The following ASB18 variants were observed in gnomAD, a reference collection of about 807,000 sequenced individuals.
ASB18 encodes the protein ankyrin repeat and SOCS box protein 18.
A neutral mutation model predicts 33.4 loss-of-function variants in ASB18; 33 were observed. The ratio of observed to expected loss-of-function variants is 0.99; its 90% CI spans 0.75 to 1.32. ASB18 has a LOEUF of 1.32. Among genes scored for constraint, ASB18 ranks in the 40% most tolerant of loss-of-function variants. The pLI, the probability that ASB18 is intolerant of heterozygous loss-of-function variation, is 0.00. For synonymous variants in ASB18, 295 were observed against 307.6 expected, an observed-to-expected ratio of 0.96 and a Z score of 0.43; for missense variants, 694 against 655.5, an observed-to-expected ratio of 1.06 and a Z score of -0.64.
chr2:236,214,935 C>T lies in ASB18; in HGVS notation c.597-69G>A. The T allele has an allele frequency of 6.0e-6, 7 of 1,160,814 alleles. No homozygotes were observed. The South Asian group carries it at 2.6e-4, about 43-fold the overall frequency. The allele number at this position is 1,160,814 out of a possible 1,614,324, so 71.9% of individuals were successfully genotyped here. A position where few individuals can be genotyped will look rare whatever the true frequency, so the allele number is the denominator to read the frequency against. On this transcript the variant is annotated intron_variant, in intron 3 of 5. Transcript: ENST00000409749. The surrounding 1 kb of genome is among the most constrained non-coding windows in gnomAD (Gnocchi z 6.5). Reference sequence around the variant, plus strand: ...CCCGCACCCTTCCACCCCCGGCCTGCTGCTGCAAAATATCAAGTGACCTCT... The same window carrying T: ...CCCGCACCCTTCCACCCCCGGCCTGTTGCTGCAAAATATCAAGTGACCTCT...
chr2:236,213,559 G>A lies in ASB18; in HGVS notation c.1101+803C>T, dbSNP rs1309600648. The A allele has an allele frequency of 6.6e-6, 1 of 152,136 alleles. No homozygotes were observed. Among genetic ancestry groups the A allele is most frequent in the Non-Finnish European group, 1.5e-5 (1 of 68,022 alleles). 9.4% of individuals were successfully genotyped at this position (152,136 alleles called of 1,614,324 possible). ...GACTTCCCTTCAATGAAGTCTTTTC[G>A]GGAGGACAACCTGTTACTCCAGCCA... On this transcript the variant is annotated intron_variant, in intron 4 of 5. Transcript: ENST00000409749. The surrounding 1 kb of genome is among the most constrained non-coding windows in gnomAD (Gnocchi z 4.8).
chr2:236,220,207 C>T lies in ASB18; in HGVS notation c.597-5341G>A, dbSNP rs2060504695. The stretch of plus-strand genomic sequence containing the variant: ...TGGGACTTTGGCCACTCCCTGCACA[C>T]CCTCCCATCCACCCTCCAGCACCTT... On this transcript the variant is annotated intron_variant, in intron 3 of 5. Transcript: ENST00000409749. This position sits in a 1 kb window ranked among gnomAD's most constrained non-coding sequence, Gnocchi z 5.1. Among the ~76,000 whole-genome samples the T allele has an allele frequency of 6.6e-6, 1 of 152,204 alleles. No homozygotes were observed. Among genetic ancestry groups the T allele is most frequent in the African/African-American group, 2.4e-5 (1 of 41,450 alleles).
Position 236,262,406 on chromosome 2 carries a change from G to T in ASB18, c.205+1735C>A, listed in dbSNP as rs939549295. On this transcript the variant is annotated intron_variant, in intron 1 of 5. Coordinates refer to ENST00000409749, the MANE Select transcript of ASB18 (RefSeq NM_212556.4). This position sits in a 1 kb window ranked among gnomAD's most constrained non-coding sequence, Gnocchi z 5.2. ...TAACCCTGTACCTGATAGGGCTGGA[G>T]GAGGGGCAGGAGCTGCTGGGCAGGA... Among the ~76,000 whole-genome samples the T allele has an allele frequency of 6.6e-6, 1 of 152,230 alleles. No homozygotes were observed. The highest frequency in any genetic ancestry group is 1.5e-5 in the Non-Finnish European group (1 of 68,042).
rs1425533336 is a variant in ASB18, at chr2:236,205,552, C to T, written c.1101+8810G>A. On this transcript the variant is annotated intron_variant, in intron 4 of 5. Coordinates refer to ENST00000409749, the MANE Select transcript of ASB18 (RefSeq NM_212556.4). This position sits in a 1 kb window ranked among gnomAD's most constrained non-coding sequence, Gnocchi z 5.4. ...CTCAATATTTAATGCCTGTCTTCCCCATTAGAATGTAAGCTCCACATAGGC... is the reference window on the plus strand; with the variant it reads ...CTCAATATTTAATGCCTGTCTTCCCTATTAGAATGTAAGCTCCACATAGGC... Among the ~76,000 whole-genome samples, 2 of 152,194 alleles carry T rather than the reference C, an allele frequency of 1.3e-5. No homozygotes were observed. The highest frequency in any genetic ancestry group is 1.5e-5 in the Non-Finnish European group (1 of 68,034).
Position 236,237,906 on chromosome 2 carries a change from C to A in ASB18, c.379G>T (p.Ala127Ser). The A allele has an allele frequency of 6.7e-7, 1 of 1,501,370 alleles. No individual in the cohort carries two copies. Among genetic ancestry groups the A allele is most frequent in the Non-Finnish European group, 8.8e-7 (1 of 1,132,004 alleles). The allele number at this position is 1,501,370 out of a possible 1,614,324, so 93.0% of individuals were successfully genotyped here. ...KRELTTPLCI[A>S]AAHGHTACVR... ...CAGGCGGTGTGGCCGTGGGCCGCGG[C>A]GATGCACAGGGGCGTGGTGAGCTCA... The change falls in exon 3 of 6, where the codon GCC (alanine) becomes TCC (serine). Residue 127 changes from alanine to serine, a missense_variant. Physicochemically the swap from Ala to Ser is moderately conservative, Grantham distance 99. Coordinates refer to ENST00000409749, the MANE Select transcript of ASB18 (RefSeq NM_212556.4). The surrounding 1 kb of genome is among the most constrained non-coding windows in gnomAD (Gnocchi z 6.2).
chr2:236,227,056 G>C (rs990236560), intron 3 of ASB18, among the ~76,000 whole-genome samples: 6 of 152,224 alleles, frequency 3.9e-5, no homozygotes, highest in African/African-American at 1.4e-4. Context: ...TCAGTTTTAG[G>C]ATCTAATACA....
At position 236,213,990 on chromosome 2, in the gene ASB18, C is replaced by T. The variant is rs534144091; in HGVS notation, c.1101+372G>A. ...TGAAAATGACACTGATGATGAGCTG[C>T]CAAAATATTTTGAGCTCTGACTGCA... On this transcript the variant is annotated intron_variant, in intron 4 of 5. Coordinates refer to ENST00000409749, the MANE Select transcript of ASB18 (RefSeq NM_212556.4). This position sits in a 1 kb window ranked among gnomAD's most constrained non-coding sequence, Gnocchi z 4.8. 3.4e-4 allele frequency: 71 copies of T among 211,908 alleles called. No individual in the cohort carries two copies. The highest frequency in any genetic ancestry group is 1.6e-3 in the African/African-American group (68 of 43,398). 13.1% of individuals were successfully genotyped at this position (211,908 alleles called of 1,614,324 possible). A position where few individuals can be genotyped will look rare whatever the true frequency, so the allele number is the denominator to read the frequency against.
chr2:236,241,201 C>T lies in ASB18; in HGVS notation c.328+79G>A, dbSNP rs553521323. On this transcript the variant is annotated intron_variant, in intron 2 of 5. Transcript: ENST00000409749. The surrounding 1 kb of genome is among the most constrained non-coding windows in gnomAD (Gnocchi z 4.2). ...ACCCAGTGCCACTGTGCCCAGTCTA[C>T]ACACGGGAGCCTTACACTCCCAGAG... The T allele has an allele frequency of 1.4e-6, 2 of 1,419,738 alleles. No individual in the cohort carries two copies. Among genetic ancestry groups the T allele is most frequent in the South Asian group, 2.5e-5 (2 of 80,860 alleles). 87.9% of individuals were successfully genotyped at this position (1,419,738 alleles called of 1,614,324 possible). A position where few individuals can be genotyped will look rare whatever the true frequency, so the allele number is the denominator to read the frequency against.
Position 236,237,655 on chromosome 2 carries a change from G to A in ASB18, c.596+34C>T, listed in dbSNP as rs2060600891. The A allele has an allele frequency of 7.3e-7, 1 of 1,367,000 alleles. No homozygotes were observed. The highest frequency in any genetic ancestry group is 9.4e-7 in the Non-Finnish European group (1 of 1,067,514). The allele number at this position is 1,367,000 out of a possible 1,614,324, so 84.7% of individuals were successfully genotyped here. ...AGGCGGGCGTCTGGTCTCGGGGCGG[G>A]GCGGACGCCGCGGGCCTGTCCCGAG... is the stretch of plus-strand genomic sequence containing the variant. On this transcript the variant is annotated intron_variant, in intron 3 of 5. Transcript: ENST00000409749. The surrounding 1 kb of genome is among the most constrained non-coding windows in gnomAD (Gnocchi z 6.2).
chr2:236,224,287 T>G (rs2060527035), intron 3 of ASB18, among the ~76,000 whole-genome samples: 1 of 151,488 alleles, frequency 6.6e-6, no homozygotes. Context: ...TGATTAATGA[T>G]GTTGAACACC....
chr2:236,195,676 T>C lies in ASB18; in HGVS notation c.1215+596A>G, dbSNP rs1220025074. Among the ~76,000 whole-genome samples, 1 of 152,056 alleles carries C rather than the reference T, an allele frequency of 6.6e-6. No homozygotes were observed. Among genetic ancestry groups the C allele is most frequent in the Non-Finnish European group, 1.5e-5 (1 of 68,018 alleles). On this transcript the variant is annotated intron_variant, in intron 5 of 5. Coordinates refer to ENST00000409749, the MANE Select transcript of ASB18 (RefSeq NM_212556.4). This position sits in a 1 kb window ranked among gnomAD's most constrained non-coding sequence, Gnocchi z 5.5. ...CATTACAGGCGCTTGCCACCATGCTTGGGTAATTTCTGTATTTTCAGTAAA... is the reference window on the plus strand; with the variant it reads ...CATTACAGGCGCTTGCCACCATGCTCGGGTAATTTCTGTATTTTCAGTAAA...
Position 236,228,694 on chromosome 2 carries a change from A to G in ASB18, c.596+8995T>C, listed in dbSNP as rs1006766450. 6.6e-6 allele frequency among the ~76,000 whole-genome samples: 1 copy of G among 152,246 alleles called. No homozygotes were observed. Among genetic ancestry groups the G allele is most frequent in the Non-Finnish European group, 1.5e-5 (1 of 68,036 alleles). ...TTCAGGAATAGTGGCTGGTTTCAGC[A>G]ACCAAAGTGTGAAACCTTATAAATA... On this transcript the variant is annotated intron_variant, in intron 3 of 5. Coordinates refer to ENST00000409749, the MANE Select transcript of ASB18 (RefSeq NM_212556.4). This position sits in a 1 kb window ranked among gnomAD's most constrained non-coding sequence, Gnocchi z 5.1.
Position 236,255,287 on chromosome 2 carries a change from G to T in ASB18, c.205+8854C>A, listed in dbSNP as rs930456640. Among the ~76,000 whole-genome samples, 1 of 151,958 alleles carries T rather than the reference G, an allele frequency of 6.6e-6. No homozygotes were observed. The highest frequency in any genetic ancestry group is 2.4e-5 in the African/African-American group (1 of 41,364). On this transcript the variant is annotated intron_variant, in intron 1 of 5. Transcript: ENST00000409749. The surrounding 1 kb of genome is among the most constrained non-coding windows in gnomAD (Gnocchi z 4.4). ...GCCTCTTGAGTAGCTGAAATTACAGGCGCCCACCACGACGCCCAGCTAATT... is the reference window on the plus strand; with the variant it reads ...GCCTCTTGAGTAGCTGAAATTACAGTCGCCCACCACGACGCCCAGCTAATT...
In ASB18 at chr2:236,241,599, A is replaced by G. The variant is rs2060621581; in HGVS notation, c.206-197T>C. On this transcript the variant is annotated intron_variant, in intron 1 of 5. Coordinates refer to ENST00000409749, the MANE Select transcript of ASB18 (RefSeq NM_212556.4). The surrounding 1 kb of genome is among the most constrained non-coding windows in gnomAD (Gnocchi z 4.2). ...TGGAGTGTGAGCTATTTCTATTGTC[A>G]TTACTCAATTGTCATCCAGTTGGGG... 1.5e-6 allele frequency: 1 copy of G among 688,810 alleles called. No homozygotes were observed. Among genetic ancestry groups the G allele is most frequent in the East Asian group, 2.7e-5 (1 of 37,002 alleles). The allele number at this position is 688,810 out of a possible 1,614,324, so 42.7% of individuals were successfully genotyped here.
In ASB18 at chr2:236,241,502, G is replaced by T. The variant is rs1391006228; in HGVS notation, c.206-100C>A. The T allele has an allele frequency of 1.4e-6, 2 of 1,415,764 alleles. No individual in the cohort carries two copies. Among genetic ancestry groups the T allele is most frequent in the Non-Finnish European group, 2.0e-6 (2 of 1,018,344 alleles). The allele number at this position is 1,415,764 out of a possible 1,614,324, so 87.7% of individuals were successfully genotyped here. A position where few individuals can be genotyped will look rare whatever the true frequency, so the allele number is the denominator to read the frequency against. Reference sequence around the variant, plus strand: ...AATATTTGAAGTTTTCCTCTCACTGGCCCTGGCTGTCTCTCCATTGAGATG... The same window carrying T: ...AATATTTGAAGTTTTCCTCTCACTGTCCCTGGCTGTCTCTCCATTGAGATG... On this transcript the variant is annotated intron_variant, in intron 1 of 5. Coordinates refer to ENST00000409749, the MANE Select transcript of ASB18 (RefSeq NM_212556.4). This position sits in a 1 kb window ranked among gnomAD's most constrained non-coding sequence, Gnocchi z 4.2.
chr2:236,259,048 G>A lies in ASB18; in HGVS notation c.205+5093C>T, dbSNP rs1278547243. ...AGTTGATGCATTTGGGGGGCGAGATGGGTCTCACTGCCCCTCCCCCAGCCG... is the reference window on the plus strand; with the variant it reads ...AGTTGATGCATTTGGGGGGCGAGATAGGTCTCACTGCCCCTCCCCCAGCCG... On this transcript the variant is annotated intron_variant, in intron 1 of 5. Transcript: ENST00000409749. The surrounding 1 kb of genome is among the most constrained non-coding windows in gnomAD (Gnocchi z 4.4). Among the ~76,000 whole-genome samples, 2 of 152,172 alleles carry A rather than the reference G, an allele frequency of 1.3e-5. No individual in the cohort carries two copies. The highest frequency in any genetic ancestry group is 6.5e-5 in the Admixed American group (1 of 15,274).
rs754844780 is a variant in ASB18, at chr2:236,216,286, A to G, written c.597-1420T>C. 5.3e-5 allele frequency among the ~76,000 whole-genome samples: 8 copies of G among 152,174 alleles called. No homozygotes were observed. Among genetic ancestry groups the G allele is most frequent in the Admixed American group, 3.3e-4 (5 of 15,284 alleles). On this transcript the variant is annotated intron_variant, in intron 3 of 5. Transcript: ENST00000409749. The surrounding 1 kb of genome is among the most constrained non-coding windows in gnomAD (Gnocchi z 6.1). The stretch of plus-strand genomic sequence containing the variant: ...CTCCTAATGTTGACCTTGGTCCTCA[A>G]GCTTCCGCCCTCTTCCTTTTCAGCT...
At position 236,214,294 on chromosome 2, in the gene ASB18, G is replaced by T. The variant is rs1345047449; in HGVS notation, c.1101+68C>A. ...CTTTGAGAGCGCCGCATGCAACCCA[G>T]CTCCCAGGCCGGTCACTAAGTGGCA... On this transcript the variant is annotated intron_variant, in intron 4 of 5. Coordinates refer to ENST00000409749, the MANE Select transcript of ASB18 (RefSeq NM_212556.4). This position sits in a 1 kb window ranked among gnomAD's most constrained non-coding sequence, Gnocchi z 6.5. 4 of 1,498,594 alleles carry T rather than the reference G, an allele frequency of 2.7e-6. No individual in the cohort carries two copies. Among genetic ancestry groups the T allele is most frequent in the African/African-American group, 2.8e-5 (2 of 70,800 alleles). 92.8% of individuals were successfully genotyped at this position (1,498,594 alleles called of 1,614,324 possible).
intron 1 of ASB18, chr2:236,247,545 C>T (rs2060650642): frequency 6.6e-6 from 1 of 152,202 alleles, no homozygotes; most frequent in Admixed American, 6.5e-5. Context: ...ACCCAGTGCT[C>T]TTGACTGTGC....
Sources: allele counts gnomAD v4.1 joint callset (sites outside exome capture counted in the v4.1 genomes callset), GRCh38; gene constraint gnomAD v4.1.1; non-coding constraint Gnocchi (gnomAD v3.1); transcripts MANE v1.5; gene names NCBI Gene and HGNC (gene_info 2026-07-23, HGNC 2026-07-21).